ESRRG: variants seen among roughly 807,000 people sequenced by gnomAD.
The protein encoded by ESRRG is estrogen related receptor gamma, also known as estrogen-related receptor gamma.
In ESRRG, 13 loss-of-function variants were observed where a neutral mutation model predicts 44.0. The observed-to-expected ratio is 0.30, with a 90% confidence interval of 0.19 to 0.47. The LOEUF (loss-of-function observed/expected upper bound fraction) is 0.47, where lower values mean the gene tolerates loss of function less well. Among genes scored for constraint, ESRRG ranks in the 20% least tolerant of loss-of-function variants. The pLI, the probability that ESRRG is intolerant of heterozygous loss-of-function variation, is 1.00. For missense variants in ESRRG, 395 were observed against 580.6 expected, an observed-to-expected ratio of 0.68 and a Z score of 3.29; for synonymous variants, 215 against 214.6, an observed-to-expected ratio of 1.00 and a Z score of -0.02.
chr1:217,034,224 T>C (rs990662034), intron 1 of ESRRG, among the ~76,000 whole-genome samples: 5 of 152,180 alleles, frequency 3.3e-5, no homozygotes, highest in Admixed American at 1.3e-4. Context: ...TTTTGCAACT[T>C]GAATTACATT....
intron 1 of ESRRG, among the ~76,000 whole-genome samples, chr1:216,681,085 C>T (rs2076956837): frequency 6.6e-6 from 1 of 152,010 alleles, no homozygotes; most frequent in African/African-American, 2.4e-5. Flanking sequence ...ATAGAAATAA[C>T]ATGTGTCGAA....
In ESRRG at chr1:217,066,044, A is replaced by G. The variant is rs557361224; in HGVS notation, c.-106+23463T>C. 3.9e-5 allele frequency among the ~76,000 whole-genome samples: 6 copies of G among 152,298 alleles called. No individual in the cohort carries two copies. The South Asian group carries it at 6.2e-4, about 16-fold the overall frequency. ...TGCTTTGAGGAATAGCTGAATTATC[A>G]TGTGGACAGTCACTCTGAACAGTGT... On this transcript the variant is annotated intron_variant, in intron 1 of 7. Coordinates refer to the ESRRG transcript ENST00000359162.
intron 2 of ESRRG, among the ~76,000 whole-genome samples, chr1:216,807,416 C>T (rs1041987004): frequency 2.0e-5 from 3 of 152,142 alleles, no homozygotes; most frequent in African/African-American, 7.2e-5. Flanking sequence ...ATTTTTGGAT[C>T]AGTTTAATTT....
chr1:216,540,837 T>C (rs1326464058), intron 5 of ESRRG, among the ~76,000 whole-genome samples: 1 of 152,034 alleles, frequency 6.6e-6, no homozygotes, highest in Non-Finnish European at 1.5e-5. Flanking sequence ...TTGTGCTTGA[T>C]TAGTATTTTT....
At chr1:217,046,060 A>T (rs2084818768) in intron 1 of ESRRG, among the ~76,000 whole-genome samples, 3 of 152,126 alleles carry the variant, frequency 2.0e-5, no homozygotes, top group African/African-American at 7.2e-5. Flanking sequence ...GCTAAAAAAC[A>T]TAATGTCCGT....
chr1:216,637,966 A>T (rs747803763), intron 3 of ESRRG, among the ~76,000 whole-genome samples: 3 of 152,124 alleles, frequency 2.0e-5, no homozygotes, highest in Non-Finnish European at 4.4e-5. Flanking sequence ...CTGCACCCAA[A>T]TTACAAAAAT....
At chr1:217,114,264 T>C (rs184886926) in intron 1 of ESRRG, among the ~76,000 whole-genome samples, 123 of 152,062 alleles carry the variant, frequency 8.1e-4, no homozygotes, top group African/African-American at 2.8e-3. Context: ...GGAAGCCTCA[T>C]GCACTTTCTG....
chr1:217,074,443 C>T (rs2090998643), intron 1 of ESRRG, among the ~76,000 whole-genome samples: 3 of 89,648 alleles, frequency 3.3e-5, no homozygotes, highest in Non-Finnish European at 5.3e-5. Flanking sequence ...ATCAGAAATC[C>T]ACCCCCCCCA....
chr1:216,711,411 G>A (rs1053031293), intron 1 of ESRRG, among the ~76,000 whole-genome samples: 1 of 152,170 alleles, frequency 6.6e-6, no homozygotes, highest in Non-Finnish European at 1.5e-5. Context: ...AATACAAAAA[G>A]CACTAACTAG....
chr1:216,557,790 G>T (rs1005288770), intron 5 of ESRRG, among the ~76,000 whole-genome samples: 3 of 152,152 alleles, frequency 2.0e-5, no homozygotes, highest in Admixed American at 1.3e-4. Context: ...CCATCATTCA[G>T]GGTAGATGTC....
chr1:216,561,797 A>G (rs374766812), intron 5 of ESRRG, among the ~76,000 whole-genome samples: 10 of 152,182 alleles, frequency 6.6e-5, no homozygotes, highest in Middle Eastern at 3.2e-3. Context: ...ACCCTCAGGT[A>G]TCACGAAAAT....
At chr1:216,717,744 T>C (rs2085215338) in intron 1 of ESRRG, among the ~76,000 whole-genome samples, 1 of 151,876 alleles carries the variant, frequency 6.6e-6, no homozygotes, top group South Asian at 2.1e-4. Context: ...AAATCTATAA[T>C]GTACTTTATA....
At chr1:216,704,191 A>C (rs1398944985) in intron 1 of ESRRG, among the ~76,000 whole-genome samples, 2 of 152,168 alleles carry the variant, frequency 1.3e-5, no homozygotes, top group Non-Finnish European at 2.9e-5. Flanking sequence ...AATTGAGTCA[A>C]GTGGGATACT....
rs2148709803 is a variant in ESRRG, at chr1:216,507,240, G to A, written c.1133-57C>T. On this transcript the variant is annotated intron_variant, in intron 6 of 6. Coordinates refer to ENST00000408911, the MANE Select transcript of ESRRG (RefSeq NM_001438.4). Reference sequence around the variant, plus strand: ...ATAATAATAATAGCAAACCTATGTAGACTAGAGTTATAAAATTAGTTATTA... The same window carrying A: ...ATAATAATAATAGCAAACCTATGTAAACTAGAGTTATAAAATTAGTTATTA... 1.2e-5 allele frequency: 14 copies of A among 1,165,442 alleles called. No individual in the cohort carries two copies. The South Asian group carries it at 2.3e-4, about 20-fold the overall frequency. The allele number at this position is 1,165,442 out of a possible 1,614,324, so 72.2% of individuals were successfully genotyped here.
chr1:216,933,607 G>A (rs2063685757), intron 2 of ESRRG, among the ~76,000 whole-genome samples: 1 of 152,142 alleles, frequency 6.6e-6, no homozygotes, highest in Non-Finnish European at 1.5e-5. Flanking sequence ...ACATGGATAA[G>A]ACCAAAATGT....
intron 1 of ESRRG, among the ~76,000 whole-genome samples, chr1:217,095,593 C>G (rs2092411791): frequency 6.6e-6 from 1 of 152,160 alleles, no homozygotes; most frequent in African/African-American, 2.4e-5. Context: ...ACTTAAATGT[C>G]TGGCTTGGGC....
At chr1:217,110,041 C>T (rs531895897) in intron 1 of ESRRG, among the ~76,000 whole-genome samples, 15 of 152,224 alleles carry the variant, frequency 9.9e-5, no homozygotes, top group African/African-American at 3.4e-4. Context: ...AAGGAGAATG[C>T]TTTCCTAAAG....
intron 2 of ESRRG, among the ~76,000 whole-genome samples, chr1:216,839,312 T>C (rs1293012191): frequency 6.6e-6 from 1 of 152,210 alleles, no homozygotes; most frequent in Non-Finnish European, 1.5e-5. Flanking sequence ...CTTCTAATTC[T>C]AGTTCTCTTG....
At chr1:216,637,676 A>G (rs2065568831) in intron 3 of ESRRG, among the ~76,000 whole-genome samples, 1 of 152,194 alleles carries the variant, frequency 6.6e-6, no homozygotes, top group Non-Finnish European at 1.5e-5. Flanking sequence ...GTTATTTATC[A>G]AGTTATTTAG....
Sources: gnomAD v4.1 joint callset for allele counts (sites outside exome capture counted in the v4.1 genomes callset) on GRCh38, gnomAD v4.1.1 for gene constraint, MANE v1.5 for transcripts, NCBI Gene and HGNC (gene_info 2026-07-23, HGNC 2026-07-21) for gene names.